Variants in MID1 observed in about 807,000 individuals in gnomAD.
The protein encoded by MID1 is E3 ubiquitin-protein ligase Midline-1.
MID1 carries 7 observed loss-of-function variants against 40.4 expected under a neutral mutation model. The ratio of observed to expected loss-of-function variants is 0.17; its 90% CI spans 0.10 to 0.33. The LOEUF (loss-of-function observed/expected upper bound fraction) is 0.33, where lower values mean the gene tolerates loss of function less well. Among genes scored for constraint, MID1 ranks in the 10% least tolerant of loss-of-function variants. The pLI, the probability that MID1 is intolerant of heterozygous loss-of-function variation, is 1.00. For synonymous variants in MID1, 229 were observed against 221.2 expected (o/e 1.04, Z -0.31); for missense variants, 367 against 558.5 (o/e 0.66, Z 3.46).
At chrX:10,490,981 T>C (rs1930914194) in intron 4 of MID1, among the ~76,000 whole-genome samples, 1 of 112,158 alleles carries the variant, frequency 8.9e-6, no homozygotes, top group African/African-American at 3.2e-5. Context: ...GTCTCTACTG[T>C]ATTTATGGTA....
intron 1 of MID1, among the ~76,000 whole-genome samples, chrX:10,832,399 A>C (rs1484524842): frequency 8.9e-6 from 1 of 112,440 alleles, no homozygotes; most frequent in Non-Finnish European, 1.9e-5. Context: ...CCTTGTTTGC[A>C]CTGATTACTT....
At chrX:10,670,709 T>C (rs1266863851) in intron 1 of MID1, among the ~76,000 whole-genome samples, 1 of 112,355 alleles carries the variant, frequency 8.9e-6, no homozygotes, top group Non-Finnish European at 1.9e-5. Context: ...TGAGAGACCT[T>C]GGGATTCAAA....
At chrX:10,747,195 G>C (rs1337703930) in intron 1 of MID1, among the ~76,000 whole-genome samples, 7 of 111,905 alleles carry the variant, frequency 6.3e-5, no homozygotes, top group Non-Finnish European at 1.3e-4. Flanking sequence ...ATGGGGGAGA[G>C]ACTAGACGAA....
intron 1 of MID1, among the ~76,000 whole-genome samples, chrX:10,610,785 T>C (rs1935723140): frequency 8.9e-6 from 1 of 111,737 alleles, no homozygotes; most frequent in African/African-American, 3.3e-5. Context: ...CAAATTAGCA[T>C]AAGGATCAGA....
chrX:10,575,809 C>G (rs1243345265), intron 1 of MID1, among the ~76,000 whole-genome samples: 1 of 110,821 alleles, frequency 9.0e-6, no homozygotes, highest in Non-Finnish European at 1.9e-5. Context: ...TTAAAAACAA[C>G]AGTATAAATA....
chrX:10,781,735 G>A (rs1414121784), intron 1 of MID1, among the ~76,000 whole-genome samples: 2 of 111,971 alleles, frequency 1.8e-5, no homozygotes, highest in African/African-American at 3.2e-5. Context: ...TTTGATTAGT[G>A]TTATTAGTTG....
chrX:10,610,138 A>G (rs1029497961), intron 1 of MID1, among the ~76,000 whole-genome samples: 4 of 112,448 alleles, frequency 3.6e-5, no homozygotes, highest in African/African-American at 1.3e-4. Flanking sequence ...CTACACAGAG[A>G]TGCCGCTTTT....
At chrX:10,742,689 G>T (rs2043531216) in intron 1 of MID1, among the ~76,000 whole-genome samples, 1 of 112,528 alleles carries the variant, frequency 8.9e-6, no homozygotes, top group South Asian at 3.6e-4. Flanking sequence ...TTCTTCACAA[G>T]TCTATGAGAC....
intron 1 of MID1, among the ~76,000 whole-genome samples, chrX:10,569,476 A>G (rs1569109655): frequency 8.9e-6 from 1 of 112,537 alleles, no homozygotes; most frequent in Admixed American, 9.4e-5. Flanking sequence ...GAAGAAATGG[A>G]AAGGTTTTTA....
intron 1 of MID1, among the ~76,000 whole-genome samples, chrX:10,783,955 C>A (rs1306902601): frequency 9.0e-6 from 1 of 110,531 alleles, no homozygotes; most frequent in Non-Finnish European, 1.9e-5. Context: ...GCTTTCCCAT[C>A]AACTGGATGA....
At chrX:10,682,571 A>C (rs1005734294) in intron 1 of MID1, among the ~76,000 whole-genome samples, 7 of 111,694 alleles carry the variant, frequency 6.3e-5, no homozygotes, top group African/African-American at 2.3e-4. Context: ...GTTAAAATAA[A>C]TATAATTTGA....
chrX:10,459,094 C>CCT (rs1928864428), intron 8 of MID1, among the ~76,000 whole-genome samples: 1 of 111,039 alleles, frequency 9.0e-6, no homozygotes, highest in Admixed American at 9.6e-5. Context: ...TCATCCCTGG[C>CCT]CTCTACTCAC....
intron 1 of MID1, among the ~76,000 whole-genome samples, chrX:10,785,076 C>A (rs1443961524): frequency 1.8e-5 from 2 of 111,370 alleles, no homozygotes; most frequent in African/African-American, 6.5e-5. Context: ...CCCATCGTCT[C>A]AGCCCAAAAT....
At chrX:10,465,210 T>TACACACAC (rs1402990604) in intron 7 of MID1, among the ~76,000 whole-genome samples, 1 of 62,043 alleles carries the variant, frequency 1.6e-5, no homozygotes, top group African/African-American at 9.1e-5. Context: ...TATATATATA[T>TACACACAC]ATATACACAC....
intron 1 of MID1, among the ~76,000 whole-genome samples, chrX:10,688,833 T>C (rs1186074681): frequency 8.9e-6 from 1 of 111,932 alleles, no homozygotes; most frequent in Non-Finnish European, 1.9e-5. Flanking sequence ...GTCTGAGCTA[T>C]GTGAGGTCTG....
intron 1 of MID1, among the ~76,000 whole-genome samples, chrX:10,708,361 A>G (rs1196061161): frequency 1.8e-5 from 2 of 112,100 alleles, no homozygotes; most frequent in Admixed American, 9.5e-5. Flanking sequence ...ACTGAATGGT[A>G]ACAAAATAAC....
At chrX:10,516,591 TGTGTGTGTGTGTGTGTGTGCGC>T (rs1312887807) in intron 3 of MID1, among the ~76,000 whole-genome samples, 12 of 83,507 alleles carry the variant, frequency 1.4e-4, no homozygotes, top group East Asian at 9.7e-4. Context: ...TGTGTGTGTG[TGTGTGTGTGTGTGTGTGTGCGC>T]GCGCGCACGC....
chrX:10,610,744 C>CTA (rs1935722454), intron 1 of MID1, among the ~76,000 whole-genome samples: 1 of 111,461 alleles, frequency 9.0e-6, no homozygotes, highest in African/African-American at 3.3e-5. Flanking sequence ...TCAAGAAATC[C>CTA]TATAAAGTTT....
intron 1 of MID1, among the ~76,000 whole-genome samples, chrX:10,819,960 T>C (rs2044163781): frequency 8.9e-6 from 1 of 111,967 alleles, no homozygotes; most frequent in South Asian, 3.8e-4. Context: ...TGCCAATCCC[T>C]TCTCAAATCT....
Sources: gnomAD v4.1 joint callset for allele counts (sites outside exome capture counted in the v4.1 genomes callset) on GRCh38, gnomAD v4.1.1 for gene constraint, MANE v1.5 for transcripts, NCBI Gene and HGNC (gene_info 2026-07-23, HGNC 2026-07-21) for gene names.